LMO1: variants seen among roughly 807,000 people sequenced by gnomAD.
LMO1 encodes the protein LIM domain only 1.
A neutral mutation model predicts 18.0 loss-of-function variants in LMO1; 10 were observed. The observed-to-expected ratio is 0.55, with a 90% CI of 0.34 to 0.94. The LOEUF (loss-of-function observed/expected upper bound fraction) is 0.94. Among genes scored for constraint, LMO1 ranks in the 40% least tolerant of loss-of-function variants. The pLI is 0.02. For synonymous variants in LMO1, 77 were observed against 77.9 expected, an observed-to-expected ratio of 0.99 and a Z score of 0.06; for missense variants, 183 against 205.7, an observed-to-expected ratio of 0.89 and a Z score of 0.68.
At chr11:8,266,945 A>C (rs146313721), upstream of LMO1, among the ~76,000 whole-genome samples, 1 of 152,374 alleles carries the variant, frequency 6.6e-6, no homozygotes, top group African/African-American at 2.4e-5. Flanking sequence ...GTAAACCTAC[A>C]GACTTCGCAG....
At chr11:8,256,286 T>C (rs1456395561) in intron 1 of LMO1, among the ~76,000 whole-genome samples, 1 of 152,248 alleles carries the variant, frequency 6.6e-6, no homozygotes, top group Non-Finnish European at 1.5e-5. Flanking sequence ...AGTGTGTGCT[T>C]GGACATAAAG....
At chr11:8,265,912 C>G (rs1379208867), upstream of LMO1, among the ~76,000 whole-genome samples, 1 of 152,350 alleles carries the variant, frequency 6.6e-6, no homozygotes, top group Non-Finnish European at 1.5e-5. Flanking sequence ...ACCCACAAAC[C>G]AGGACTGGGC....
At chr11:8,242,750 T>C (rs1488349828) in intron 1 of LMO1, among the ~76,000 whole-genome samples, 1 of 152,074 alleles carries the variant, frequency 6.6e-6, no homozygotes, top group Non-Finnish European at 1.5e-5. Flanking sequence ...AGGCCTGCAG[T>C]CTCCACAGAG....
At chr11:8,261,862 C>A (rs1847191382) in intron 1 of LMO1, among the ~76,000 whole-genome samples, 1 of 152,106 alleles carries the variant, frequency 6.6e-6, no homozygotes, top group Admixed American at 6.5e-5. Flanking sequence ...ATAGAGAAGA[C>A]ATATTGAAGA....
intron 3 of LMO1, 122 bp downstream of exon 3, chr11:8,226,853 C>A: frequency 7.0e-7 from 1 of 1,431,258 alleles, no homozygotes; most frequent in South Asian, 1.5e-5. Context: ...CCTGCACGCA[C>A]CACCACATAC....
rs144767758 is a variant in LMO1, at chr11:8,261,900, G to T, written c.25+1438C>A. Among the ~76,000 whole-genome samples the T allele has an allele frequency of 7.5e-4, 114 of 152,246 alleles. No homozygotes were observed. The East Asian group carries it at 0.021, about 28-fold the overall frequency. ...ATGTCCCACCCCAGCTAGCCCAGAA[G>T]CACTGAGGTTCCCCCCATCCTCTCT... On this transcript the variant is annotated intron_variant, in intron 1 of 3. Coordinates refer to ENST00000335790, the MANE Select transcript of LMO1 (RefSeq NM_002315.3).
intron 1 of LMO1, among the ~76,000 whole-genome samples, chr11:8,248,544 C>T (rs75084671): frequency 0.04 from 6,027 of 152,338 alleles, 189 homozygotes; most frequent in African/African-American, 0.085. Context: ...CCAGACTCCA[C>T]AGAGGTGCTC....
chr11:8,239,728 C>A (rs1280255255), intron 1 of LMO1, among the ~76,000 whole-genome samples: 2 of 152,246 alleles, frequency 1.3e-5, no homozygotes, highest in East Asian at 3.9e-4. Flanking sequence ...TGGAGAGGGG[C>A]CTGGTTCAGG....
intron 2 of LMO1, 119 bp from the exon 3 acceptor site, chr11:8,227,219 G>A: frequency 6.7e-7 from 1 of 1,491,048 alleles, no homozygotes; most frequent in East Asian, 2.3e-5. Flanking sequence ...CTCAGCAGGT[G>A]GGCTCAGGCA....
intron 1 of LMO1, among the ~76,000 whole-genome samples, chr11:8,245,861 A>C (rs1047232491): frequency 1.3e-5 from 2 of 152,228 alleles, no homozygotes; most frequent in African/African-American, 4.8e-5. Context: ...TTGTACAAGC[A>C]TGGTTCCAGC....
At chr11:8,251,872 AGT>A (rs569548190) in intron 1 of LMO1, among the ~76,000 whole-genome samples, 8 of 29,622 alleles carry the variant, frequency 2.7e-4, no homozygotes, top group East Asian at 1.4e-3. Context: ...AATGTGTGTG[AGT>A]GTGTGTGTGT....
At chr11:8,230,254 G>A in intron 2 of LMO1, 37 bp downstream of exon 2, 4 of 1,594,142 alleles carry the variant, frequency 2.5e-6, no homozygotes, top group Non-Finnish European at 3.4e-6. Flanking sequence ...TTTCTGAGCA[G>A]GACAAGGGCT....
At chr11:8,268,769 G>C (rs1847288199), upstream of LMO1, 1 of 199,708 alleles carries the variant, frequency 5.0e-6, no homozygotes, top group Non-Finnish European at 1.0e-5. Flanking sequence ...CGCGCCGGCC[G>C]TACTCGCCTC....
chr11:8,251,328 T>C (rs1163106816), intron 1 of LMO1, among the ~76,000 whole-genome samples: 4 of 152,178 alleles, frequency 2.6e-5, no homozygotes, highest in Non-Finnish European at 5.9e-5. Context: ...AGCCTGTTTA[T>C]GGGAGTGCTC....
chr11:8,243,744 C>G (rs1846838537), intron 1 of LMO1, among the ~76,000 whole-genome samples: 1 of 152,216 alleles, frequency 6.6e-6, no homozygotes, highest in Non-Finnish European at 1.5e-5. Flanking sequence ...CCTCACCAAG[C>G]CAGAACAGAC....
At chr11:8,228,743 A>G (rs1590520795) in intron 2 of LMO1, among the ~76,000 whole-genome samples, 1 of 151,580 alleles carries the variant, frequency 6.6e-6, no homozygotes, top group African/African-American at 2.4e-5. Context: ...CCCATCCTAC[A>G]CTGTGGGCCT....
chr11:8,259,490 C>T (rs1229436143), intron 1 of LMO1, among the ~76,000 whole-genome samples: 2 of 152,234 alleles, frequency 1.3e-5, no homozygotes, highest in Admixed American at 1.3e-4. Flanking sequence ...AACCCTCCCG[C>T]TCCCCTGCTT....
chr11:8,259,697 GC>G (rs1847154240), intron 1 of LMO1, among the ~76,000 whole-genome samples: 1 of 152,200 alleles, frequency 6.6e-6, no homozygotes, highest in African/African-American at 2.4e-5. Context: ...GCCAGGAGAG[GC>G]CCCTGGGATT....
chr11:8,261,091 G>A (rs1021998954), intron 1 of LMO1, among the ~76,000 whole-genome samples: 1 of 152,176 alleles, frequency 6.6e-6, no homozygotes, highest in Admixed American at 6.5e-5. Flanking sequence ...GAGTGCAGAT[G>A]CATGAGCAGA....
Sources: allele counts gnomAD v4.1 joint callset (sites outside exome capture counted in the v4.1 genomes callset), GRCh38; gene constraint gnomAD v4.1.1; transcripts MANE v1.5; gene names NCBI Gene and HGNC (gene_info 2026-07-23, HGNC 2026-07-21).